WBP1L: variants seen among roughly 807,000 people sequenced by gnomAD.
WBP1L encodes the protein WW domain binding protein 1 like.
A neutral mutation model predicts 33.7 loss-of-function variants in WBP1L; 17 were observed. That is an observed-to-expected ratio of 0.50 (90% CI 0.34 to 0.76). The LOEUF is 0.76. Ranked by LOEUF, WBP1L falls within the 30% of genes least tolerant of loss-of-function variation. The pLI is 0.01. For synonymous variants in WBP1L, 173 were observed against 190.8 expected, an observed-to-expected ratio of 0.91 and a Z score of 0.77; for missense variants, 389 against 469.4, an observed-to-expected ratio of 0.83 and a Z score of 1.58.
chr10:102,795,533 C>T (rs75151997), intron 1 of WBP1L, among the ~76,000 whole-genome samples: 9 of 152,318 alleles, frequency 5.9e-5, no homozygotes, highest in Non-Finnish European at 1.3e-4. Context: ...AGCTGACTGA[C>T]AGCAGTAGGT....
chr10:102,777,117 G>A (rs1843275346), intron 1 of WBP1L, among the ~76,000 whole-genome samples: 2 of 152,178 alleles, frequency 1.3e-5, no homozygotes, highest in African/African-American at 4.8e-5. Flanking sequence ...GCCACCAACT[G>A]CTGTCTGCTG....
rs1419252522 is a variant in WBP1L at position 102,760,526 on chromosome 10, AC to A, written c.90+16385del. Among the ~76,000 whole-genome samples the A allele has an allele frequency of 6.6e-5, 10 of 151,594 alleles. No individual in the cohort carries two copies. The East Asian group carries it at 1.9e-3, about 29-fold the overall frequency. On this transcript the variant is annotated intron_variant, in intron 1 of 3. Coordinates refer to ENST00000448841, the MANE Select transcript of WBP1L (RefSeq NM_001083913.2). ...CGAGTAGCTGGGATTACGGGCATGC[AC>A]CACCACGCCCTGCTAATTTTGTATT...
At chr10:102,800,622 G>T (rs940433866) in intron 2 of WBP1L, among the ~76,000 whole-genome samples, 2 of 152,218 alleles carry the variant, frequency 1.3e-5, no homozygotes, top group African/African-American at 2.4e-5. Context: ...TGTTTTCCAC[G>T]TTCTGGAGGC....
At position 102,812,716 on chromosome 10, in the gene WBP1L, C is replaced by T. The variant is rs764967771; in HGVS notation, c.477C>T (p.Gly159=). 5.6e-5 allele frequency: 90 copies of T among 1,613,886 alleles called. No homozygotes were observed. The highest frequency in any genetic ancestry group is 7.2e-5 in the Non-Finnish European group (85 of 1,179,972). The change falls in exon 4 of 4, where the codon GGC becomes GGT. Residue 159 remains glycine, a synonymous_variant. Coordinates refer to ENST00000448841, the MANE Select transcript of WBP1L (RefSeq NM_001083913.2). ...QQQQLLPPQC[G]PAGGSPPGID... is the part of the protein sequence containing the mutation. ...AGCAGCTGCTGCCTCCACAGTGTGG[C>T]CCTGCAGGTGGCAGTCCCCCGGGCA...
chr10:102,808,068 A>C (rs1428340187), intron 2 of WBP1L, among the ~76,000 whole-genome samples: 2 of 151,954 alleles, frequency 1.3e-5, no homozygotes, highest in Non-Finnish European at 2.9e-5. Context: ...AGTCCCAGCT[A>C]CTCAGAAGGT....
At chr10:102,804,653 G>A (rs1240380617) in intron 2 of WBP1L, among the ~76,000 whole-genome samples, 2 of 152,164 alleles carry the variant, frequency 1.3e-5, no homozygotes, top group African/African-American at 4.8e-5. Context: ...AAGGTTGGAT[G>A]AGAGTTTTGT....
At chr10:102,749,635 A>AT (rs1464481482) in intron 1 of WBP1L, among the ~76,000 whole-genome samples, 2 of 147,366 alleles carry the variant, frequency 1.4e-5, no homozygotes, top group East Asian at 2.1e-4. Context: ...AATTAAAAAA[A>AT]TTTTTTTATA....
intron 1 of WBP1L, among the ~76,000 whole-genome samples, chr10:102,792,901 G>C (rs758080483): frequency 6.6e-6 from 1 of 152,034 alleles, no homozygotes; most frequent in Non-Finnish European, 1.5e-5. Flanking sequence ...CCTAGTTACT[G>C]ACTTTTTAAC....
intron 1 of WBP1L, among the ~76,000 whole-genome samples, chr10:102,771,559 G>GT (rs71019613): frequency 0.23 from 34,963 of 151,918 alleles, 5,043 homozygotes; most frequent in Non-Finnish European, 0.33. Context: ...GCCAGACATG[G>GT]TGGCTCATGC....
At chr10:102,751,567 C>CA (rs1467314113) in intron 1 of WBP1L, among the ~76,000 whole-genome samples, 1 of 152,192 alleles carries the variant, frequency 6.6e-6, no homozygotes, top group African/African-American at 2.4e-5. Flanking sequence ...CTTGGCCTCT[C>CA]AAAGTGTTGG....
At chr10:102,757,887 C>CCCT (rs1491483676) in intron 1 of WBP1L, among the ~76,000 whole-genome samples, 2 of 25,366 alleles carry the variant, frequency 7.9e-5, no homozygotes, top group African/African-American at 1.7e-4. Flanking sequence ...CCCCCCCCCC[C>CCCT]TTTTTTTTTT....
At position 102,755,107 on chromosome 10, in the gene WBP1L, G is replaced by A. The variant is rs574148672; in HGVS notation, c.90+10964G>A. Reference sequence around the variant, plus strand: ...TGGGATTACAGGTGCGCACCACCATGCCCAGCTAATTTTTGTATTTTAACT... The same window carrying A: ...TGGGATTACAGGTGCGCACCACCATACCCAGCTAATTTTTGTATTTTAACT... On this transcript the variant is annotated intron_variant, in intron 1 of 3. Coordinates refer to ENST00000448841, the MANE Select transcript of WBP1L (RefSeq NM_001083913.2). Among the ~76,000 whole-genome samples the A allele has an allele frequency of 5.3e-5, 8 of 151,790 alleles. No homozygotes were observed. In the South Asian group the frequency reaches 8.3e-4, roughly 16 times the overall value.
At chr10:102,747,253 G>A (rs1416858649) in intron 1 of WBP1L, among the ~76,000 whole-genome samples, 1 of 151,844 alleles carries the variant, frequency 6.6e-6, no homozygotes, top group Non-Finnish European at 1.5e-5. Context: ...TCAGCTACTC[G>A]GGAGGCTGAG....
intron 1 of WBP1L, among the ~76,000 whole-genome samples, chr10:102,793,545 T>C (rs1457142116): frequency 6.6e-6 from 1 of 152,234 alleles, no homozygotes; most frequent in African/African-American, 2.4e-5. Context: ...TTCCTTTTTC[T>C]TTTCTTCTTC....
intron 1 of WBP1L, among the ~76,000 whole-genome samples, chr10:102,755,902 G>A (rs548857425): frequency 2.2e-3 from 333 of 151,204 alleles, no homozygotes; most frequent in Non-Finnish European, 3.0e-3. Flanking sequence ...AAAATTAGCC[G>A]GGCGTGGTGG....
At chr10:102,767,603 GC>G (rs1458284759) in intron 1 of WBP1L, among the ~76,000 whole-genome samples, 5 of 152,242 alleles carry the variant, frequency 3.3e-5, no homozygotes, top group African/African-American at 1.2e-4. Flanking sequence ...ACTCTTTCTG[GC>G]CCACTTTGGA....
At chr10:102,773,275 C>A (rs1385298210) in intron 1 of WBP1L, among the ~76,000 whole-genome samples, 1 of 152,138 alleles carries the variant, frequency 6.6e-6, no homozygotes, top group Non-Finnish European at 1.5e-5. Flanking sequence ...TAGTGAGGGG[C>A]TGTAGGCAAG....
intron 1 of WBP1L, among the ~76,000 whole-genome samples, chr10:102,753,792 G>A (rs1842945672): frequency 1.3e-5 from 2 of 152,318 alleles, no homozygotes; most frequent in South Asian, 2.1e-4. Context: ...AATGTAAGAT[G>A]TTACAAGAAT....
chr10:102,776,515 G>T (rs1431346123), intron 1 of WBP1L: 1 of 1,523,046 alleles, frequency 6.6e-7, no homozygotes, highest in Non-Finnish European at 9.1e-7. Context: ...TTTAGCAAAT[G>T]CCTCTCAGTT....
Sources: allele counts gnomAD v4.1 joint callset (sites outside exome capture counted in the v4.1 genomes callset), GRCh38; gene constraint gnomAD v4.1.1; transcripts MANE v1.5; gene names NCBI Gene and HGNC (gene_info 2026-07-23, HGNC 2026-07-21).